The following SYT17 variants were observed in gnomAD, a reference collection of about 807,000 sequenced individuals.
SYT17 encodes synaptotagmin 17.
A neutral mutation model predicts 46.7 loss-of-function variants in SYT17; 22 were observed. The ratio of observed to expected loss-of-function variants is 0.47; its 90% confidence interval spans 0.34 to 0.67. The LOEUF (loss-of-function observed/expected upper bound fraction) is 0.67, where lower values mean the gene tolerates loss of function less well. Ranked by LOEUF, SYT17 falls within the 30% of genes least tolerant of loss-of-function variation. The probability of loss-of-function intolerance (pLI) is 0.01; values close to 1 mark genes in which losing one functional copy is unlikely to be tolerated. For synonymous variants in SYT17, 251 were observed against 248.4 expected (o/e 1.01, Z -0.10); for missense variants, 519 against 612.8 (o/e 0.85, Z 1.62).
Position 19,168,343 on chromosome 16 carries a change from T to G in SYT17, c.-304T>G. On this transcript the variant is annotated 5_prime_UTR_variant, in exon 1 of 8. Coordinates refer to ENST00000355377, the MANE Select transcript of SYT17 (RefSeq NM_016524.4). The surrounding 1 kb of genome is among the most constrained non-coding windows in gnomAD (Gnocchi z 6.9). The stretch of plus-strand genomic sequence containing the variant: ...CAGGCGCCCCGGCCTTATTCCAGCC[T>G]GGGGAGCGCCTCGGTGGGGAGCACG... 1 of 461,550 alleles carries G rather than the reference T, an allele frequency of 2.2e-6. No homozygotes were observed. Among genetic ancestry groups the G allele is most frequent in the Admixed American group, 4.5e-5 (1 of 22,430 alleles). The allele number at this position is 461,550 out of a possible 1,614,324, so 28.6% of individuals were successfully genotyped here.
intron 1 of SYT17, among the ~76,000 whole-genome samples, chr16:19,169,341 G>A (rs1247998662): frequency 1.3e-5 from 2 of 152,140 alleles, no homozygotes; most frequent in East Asian, 3.9e-4. Context: ...GCGGAGGGGT[G>A]GGCCGGGCTT....
chr16:19,244,535 G>A (rs4993856), intron 7 of SYT17, among the ~76,000 whole-genome samples: 5,126 of 152,090 alleles, frequency 0.034, 307 homozygotes, highest in African/African-American at 0.12. Flanking sequence ...GGGTCTCACT[G>A]TTTTGCCCAA....
Position 19,183,866 on chromosome 16 carries a change from A to T in SYT17, c.670A>T (p.Met224Leu), listed in dbSNP as rs1444382108. 6.2e-7 allele frequency: 1 copy of T among 1,614,090 alleles called. No homozygotes were observed. The highest frequency in any genetic ancestry group is 2.2e-5 in the East Asian group (1 of 44,892). The part of the protein sequence containing the change: ...PISHDGSRQD[M>L]AHSNPYVKIC... ...CTCCCACGATGGCTCGCGCCAGGAC[A>T]TGGCGCACTCCAACCCCTACGTCAA... Residue 224 changes from methionine to leucine, a missense_variant, in exon 5 of 8, where the codon ATG becomes TTG. Coordinates refer to ENST00000355377, the MANE Select transcript of SYT17 (RefSeq NM_016524.4). The surrounding 1 kb of genome is among the most constrained non-coding windows in gnomAD (Gnocchi z 5.6).
chr16:19,224,139 T>C (rs1423664205), intron 6 of SYT17, among the ~76,000 whole-genome samples: 5 of 152,202 alleles, frequency 3.3e-5, no homozygotes, highest in Non-Finnish European at 7.3e-5. Flanking sequence ...TATTCACCTG[T>C]ATATGGGCTA....
At chr16:19,182,986 C>T (rs551926812) in intron 4 of SYT17, among the ~76,000 whole-genome samples, 6 of 152,244 alleles carry the variant, frequency 3.9e-5, no homozygotes, top group South Asian at 2.1e-4. Context: ...AGAATATGCC[C>T]GGAGTCACAT....
Position 19,223,184 on chromosome 16 carries a change from C to G in SYT17, c.1072+19C>G, listed in dbSNP as rs771076192. The G allele has an allele frequency of 6.2e-7, 1 of 1,610,272 alleles. No homozygotes were observed. The highest frequency in any genetic ancestry group is 1.3e-5 in the African/African-American group (1 of 74,842). On this transcript the variant is annotated intron_variant, in intron 6 of 7. Transcript: ENST00000355377. ...GGTTCAGGTACCGTGTGATTCCCCT[C>G]TTCTCTCACTTTATTAATGGGGCAT...
intron 1 of SYT17, chr16:19,170,370 C>T (rs1179062739): frequency 6.6e-6 from 1 of 151,688 alleles, no homozygotes; most frequent in Non-Finnish European, 1.5e-5. Context: ...TGTAGCAAAA[C>T]AGGCTGCGGG....
Position 19,244,598 on chromosome 16 carries a change from G to T in SYT17, c.1228+19760G>T, listed in dbSNP as rs549856356. Among the ~76,000 whole-genome samples, 8 of 152,274 alleles carry T rather than the reference G, an allele frequency of 5.3e-5. No homozygotes were observed. In the East Asian group the frequency reaches 1.4e-3, roughly 26 times the overall value. On this transcript the variant is annotated intron_variant, in intron 7 of 7. Coordinates refer to ENST00000355377, the MANE Select transcript of SYT17 (RefSeq NM_016524.4). Reference sequence around the variant, plus strand: ...AATTTTCCCATCTCAGCCTCCCAAAGTGCTGGGATTACAGGCATGAGCCAC... The same window carrying T: ...AATTTTCCCATCTCAGCCTCCCAAATTGCTGGGATTACAGGCATGAGCCAC...
chr16:19,237,566 C>T (rs1966865777), intron 7 of SYT17, among the ~76,000 whole-genome samples: 1 of 152,222 alleles, frequency 6.6e-6, no homozygotes, highest in African/African-American at 2.4e-5. Context: ...GAAATTTCTG[C>T]ATAATCCACC....
intron 3 of SYT17, among the ~76,000 whole-genome samples, chr16:19,175,745 C>G (rs1445958499): frequency 6.6e-6 from 1 of 151,344 alleles, no homozygotes; most frequent in African/African-American, 2.4e-5. Context: ...AGAATGCTAT[C>G]TCCATGTGGG....
At chr16:19,236,713 C>A (rs377476031) in intron 7 of SYT17, among the ~76,000 whole-genome samples, 1 of 152,138 alleles carries the variant, frequency 6.6e-6, no homozygotes, top group East Asian at 1.9e-4. Context: ...GTCATCTGTC[C>A]GCCTTGTGAG....
At chr16:19,192,785 C>T (rs959834785) in intron 5 of SYT17, among the ~76,000 whole-genome samples, 1 of 152,166 alleles carries the variant, frequency 6.6e-6, no homozygotes, top group African/African-American at 2.4e-5. Context: ...TCAAACAGTG[C>T]GGGGTCGGTT....
intron 7 of SYT17, among the ~76,000 whole-genome samples, chr16:19,232,985 T>C (rs1261719781): frequency 1.3e-5 from 2 of 152,134 alleles, no homozygotes; most frequent in African/African-American, 4.8e-5. Context: ...ACAGATAAAC[T>C]GAATCAACCC....
chr16:19,259,307 A>C (rs1164891383), intron 7 of SYT17, among the ~76,000 whole-genome samples: 3 of 152,232 alleles, frequency 2.0e-5, no homozygotes, highest in Non-Finnish European at 2.9e-5. Flanking sequence ...GTTTTAAACA[A>C]GGCTTAACAT....
chr16:19,241,239 G>A (rs1214484390), intron 7 of SYT17, among the ~76,000 whole-genome samples: 1 of 151,492 alleles, frequency 6.6e-6, no homozygotes, highest in African/African-American at 2.4e-5. Context: ...GAGCCACCGC[G>A]CCCGGCCCCC....
chr16:19,241,469 G>A (rs1037344107), intron 7 of SYT17, among the ~76,000 whole-genome samples: 5 of 152,178 alleles, frequency 3.3e-5, no homozygotes, highest in African/African-American at 9.6e-5. Flanking sequence ...CAGGGCTCCC[G>A]CTTGTGACTG....
At chr16:19,231,963 G>C (rs1292606487) in intron 7 of SYT17, among the ~76,000 whole-genome samples, 1 of 152,214 alleles carries the variant, frequency 6.6e-6, no homozygotes, top group African/African-American at 2.4e-5. Context: ...GACCCAGTCT[G>C]TGGAGTGAGA....
chr16:19,222,741 T>A (rs998312251), intron 5 of SYT17, among the ~76,000 whole-genome samples: 4 of 152,188 alleles, frequency 2.6e-5, no homozygotes, highest in Non-Finnish European at 5.9e-5. Context: ...ACAGACTCAT[T>A]AGTCATTACA....
At chr16:19,241,736 G>A (rs1030673727) in intron 7 of SYT17, among the ~76,000 whole-genome samples, 4 of 152,188 alleles carry the variant, frequency 2.6e-5, no homozygotes, top group Admixed American at 1.3e-4. Flanking sequence ...CCACAGCTAC[G>A]GCGGGGCAGA....
Sources: gnomAD v4.1 joint callset for allele counts (sites outside exome capture counted in the v4.1 genomes callset) on GRCh38, gnomAD v4.1.1 for gene constraint, Gnocchi (gnomAD v3.1) non-coding constraint, MANE v1.5 for transcripts, NCBI Gene and HGNC (gene_info 2026-07-23, HGNC 2026-07-21) for gene names.